The following SMYD3 variants were observed in gnomAD, a reference collection of about 807,000 sequenced individuals.
The protein encoded by SMYD3 is SET and MYND domain containing 3.
SMYD3 carries 36 observed loss-of-function variants against 57.7 expected under a neutral mutation model. The ratio of observed to expected loss-of-function variants is 0.62; its 90% confidence interval spans 0.48 to 0.82. The LOEUF (loss-of-function observed/expected upper bound fraction) is 0.82, where lower values mean the gene tolerates loss of function less well. Among genes scored for constraint, SMYD3 ranks in the 40% least tolerant of loss-of-function variants. The pLI is 0.00. For missense variants in SMYD3, 515 were observed against 538.8 expected (o/e 0.96, Z 0.44); for synonymous variants, 211 against 195.0 (o/e 1.08, Z -0.68).
intron 5 of SMYD3, among the ~76,000 whole-genome samples, chr1:246,208,837 T>C (rs1379438393): frequency 4.6e-5 from 7 of 151,674 alleles, no homozygotes; most frequent in Admixed American, 2.6e-4. Flanking sequence ...TTAAACAGCA[T>C]GTGGAATGGG....
At chr1:245,870,770 T>A (rs542839997) in intron 8 of SMYD3, among the ~76,000 whole-genome samples, 1 of 152,204 alleles carries the variant, frequency 6.6e-6, no homozygotes, top group Non-Finnish European at 1.5e-5. Context: ...TAGGGAAAGT[T>A]TGGAGTCCAG....
At chr1:246,127,901 G>GAAAAA (rs889590517) in intron 5 of SMYD3, among the ~76,000 whole-genome samples, 1 of 147,872 alleles carries the variant, frequency 6.8e-6, no homozygotes. Flanking sequence ...GTCTCAAAAA[G>GAAAAA]AAAAGAAAAG....
chr1:245,871,812 G>A (rs2052208355), intron 8 of SMYD3, among the ~76,000 whole-genome samples: 1 of 152,086 alleles, frequency 6.6e-6, no homozygotes, highest in South Asian at 2.1e-4. Context: ...ATGTCACAGT[G>A]GCCTGAGTTT....
chr1:245,774,787 C>T (rs1003225254), intron 10 of SMYD3, among the ~76,000 whole-genome samples: 1 of 152,054 alleles, frequency 6.6e-6, no homozygotes, highest in African/African-American at 2.4e-5. Flanking sequence ...TCTCGGCTCA[C>T]TGCAACCTCC....
intron 8 of SMYD3, among the ~76,000 whole-genome samples, chr1:245,875,247 A>C (rs1176851023): frequency 6.6e-6 from 1 of 152,192 alleles, no homozygotes; most frequent in Non-Finnish European, 1.5e-5. Context: ...AGCATGCATT[A>C]CTGTTAACAG....
intron 5 of SMYD3, chr1:245,953,271 G>A (rs2057722346): frequency 2.0e-6 from 2 of 999,758 alleles, no homozygotes; most frequent in Admixed American, 6.2e-5. Context: ...TTGCTACATT[G>A]GGAAACTTCA....
At chr1:245,918,345 T>C (rs1313896021) in intron 7 of SMYD3, among the ~76,000 whole-genome samples, 2 of 152,202 alleles carry the variant, frequency 1.3e-5, no homozygotes, top group African/African-American at 4.8e-5. Context: ...TTTTTACTTT[T>C]ACATGGCTGC....
At chr1:246,102,754 A>AT (rs1184900332) in intron 5 of SMYD3, among the ~76,000 whole-genome samples, 50 of 151,210 alleles carry the variant, frequency 3.3e-4, no homozygotes, top group Non-Finnish European at 4.6e-4. Context: ...AAAAAAAAAA[A>AT]AAATAATAAT....
At chr1:246,009,671 G>A (rs942361686) in intron 5 of SMYD3, among the ~76,000 whole-genome samples, 24 of 151,970 alleles carry the variant, frequency 1.6e-4, no homozygotes, top group African/African-American at 5.8e-4. Flanking sequence ...CTCCAATCAG[G>A]TCTTAGTATT....
At chr1:245,878,843 A>C (rs1451097104) in intron 8 of SMYD3, among the ~76,000 whole-genome samples, 3 of 152,194 alleles carry the variant, frequency 2.0e-5, no homozygotes, top group Non-Finnish European at 4.4e-5. Flanking sequence ...CAGGGATGGC[A>C]GGAAGAGGGC....
At chr1:245,859,919 CG>C (rs2051444685) in intron 9 of SMYD3, among the ~76,000 whole-genome samples, 2 of 152,072 alleles carry the variant, frequency 1.3e-5, no homozygotes, top group Non-Finnish European at 2.9e-5. Context: ...CTCACGTCAA[CG>C]TAAGAATGAG....
At chr1:246,187,283 G>C (rs180697498) in intron 5 of SMYD3, among the ~76,000 whole-genome samples, 1 of 127,986 alleles carries the variant, frequency 7.8e-6, no homozygotes, top group Non-Finnish European at 1.6e-5. Context: ...GTGAGACTCT[G>C]TCTCAAAAAA....
intron 5 of SMYD3, among the ~76,000 whole-genome samples, chr1:246,318,756 A>G (rs565362065): frequency 1.1e-4 from 16 of 152,366 alleles, no homozygotes; most frequent in African/African-American, 3.4e-4. Flanking sequence ...TTATCCATCA[A>G]TACTTTCAAG....
At chr1:246,227,110 G>A (rs949670815) in intron 5 of SMYD3, among the ~76,000 whole-genome samples, 21 of 152,100 alleles carry the variant, frequency 1.4e-4, no homozygotes, top group Admixed American at 1.0e-3. Context: ...CAAGTCCAAC[G>A]TCCCATATAC....
rs1186287169 is a variant in SMYD3, at chr1:245,806,820, G to A, written c.1077-42671C>T. Among the ~76,000 whole-genome samples, 21 of 146,410 alleles carry A rather than the reference G, an allele frequency of 1.4e-4. No individual in the cohort carries two copies. The Admixed American group carries it at 1.4e-3, about 10-fold the overall frequency. On this transcript the variant is annotated intron_variant, in intron 10 of 11. Coordinates refer to ENST00000490107, the MANE Select transcript of SMYD3 (RefSeq NM_001167740.2). ...AGCTACTCGGGAGGCTGAGGCAGGA[G>A]AATGGCGTGAACCCGGGAGGCGGAG...
intron 5 of SMYD3, among the ~76,000 whole-genome samples, chr1:246,190,850 A>C (rs1221423531): frequency 3.3e-5 from 5 of 152,096 alleles, no homozygotes; most frequent in African/African-American, 1.2e-4. Flanking sequence ...CCCCAACATC[A>C]AAGTAGAACA....
At chr1:245,819,252 A>G (rs1467652840) in intron 10 of SMYD3, among the ~76,000 whole-genome samples, 2 of 139,188 alleles carry the variant, frequency 1.4e-5, no homozygotes, top group African/African-American at 2.7e-5. Flanking sequence ...ACTCAAAACC[A>G]CTCAACTACA....
chr1:246,186,684 A>T (rs2062646849), intron 5 of SMYD3: 1 of 913,646 alleles, frequency 1.1e-6, no homozygotes, highest in African/African-American at 1.8e-5. Context: ...GACCTGTGAG[A>T]GTCTGGCACT....
chr1:245,844,236 C>A (rs2050546938), intron 10 of SMYD3, among the ~76,000 whole-genome samples: 1 of 152,168 alleles, frequency 6.6e-6, no homozygotes, highest in Non-Finnish European at 1.5e-5. Context: ...CATTTCTCAT[C>A]ATATGGCTAC....
Sources: gnomAD v4.1 joint callset for allele counts (sites outside exome capture counted in the v4.1 genomes callset) on GRCh38, gnomAD v4.1.1 for gene constraint, MANE v1.5 for transcripts, NCBI Gene and HGNC (gene_info 2026-07-23, HGNC 2026-07-21) for gene names.